The following ANAPC7 variants were observed in gnomAD, a reference collection of about 807,000 sequenced individuals.
ANAPC7 encodes anaphase promoting complex subunit 7, also known as anaphase-promoting complex subunit 7.
In ANAPC7, 25 loss-of-function variants were observed where a neutral mutation model predicts 63.3. The ratio of observed to expected loss-of-function variants is 0.39; its 90% CI spans 0.29 to 0.55. The LOEUF is 0.55. Ranked by LOEUF, ANAPC7 falls within the 20% of genes least tolerant of loss-of-function variation. The pLI is 0.57. For missense variants in ANAPC7, 516 were observed against 691.7 expected, an observed-to-expected ratio of 0.75 and a Z score of 2.85; for synonymous variants, 241 against 251.7, an observed-to-expected ratio of 0.96 and a Z score of 0.40.
chr12:110,398,227 C>CA (rs2062172287), intron 1 of ANAPC7, among the ~76,000 whole-genome samples: 3 of 151,930 alleles, frequency 2.0e-5, no homozygotes. Flanking sequence ...GCCTGGGTGA[C>CA]AAGTGAAACT....
Position 110,387,902 on chromosome 12 carries a change from CAGAA to C in ANAPC7, c.521-14_521-11del, listed in dbSNP as rs752016031. The C allele has an allele frequency of 6.2e-7, 1 of 1,611,646 alleles. No homozygotes were observed. Among genetic ancestry groups the C allele is most frequent in the Non-Finnish European group, 8.5e-7 (1 of 1,178,140 alleles). Reference sequence around the variant, plus strand: ...GAAAGGGACAACAAGCCTAAACCAACAGAAAGCAGAAGAAAGAAAGTAAGGCACG... The same window carrying C: ...GAAAGGGACAACAAGCCTAAACCAACAGCAGAAGAAAGAAAGTAAGGCACG... On this transcript the variant is annotated splice_polypyrimidine_tract_variant and intron_variant, in intron 4 of 10. Transcript: ENST00000455511.
intron 3 of ANAPC7, among the ~76,000 whole-genome samples, chr12:110,389,150 C>T (rs890562835): frequency 2.0e-5 from 3 of 151,790 alleles, no homozygotes; most frequent in Non-Finnish European, 2.9e-5. Context: ...TCCTGCCTTC[C>T]CTAAGAGGAA....
intron 1 of ANAPC7, among the ~76,000 whole-genome samples, chr12:110,402,519 A>G (rs1207951415): frequency 6.6e-6 from 1 of 151,684 alleles, no homozygotes; most frequent in East Asian, 2.0e-4. Flanking sequence ...TTTTTTAAGC[A>G]GAGACGGGGT....
intron 5 of ANAPC7, chr12:110,386,680 A>G (rs1419388763): frequency 2.1e-6 from 1 of 482,212 alleles, no homozygotes; most frequent in South Asian, 3.0e-5. Flanking sequence ...CTCAGTACCA[A>G]CAAATAACTC....
At chr12:110,381,631 G>C in intron 8 of ANAPC7, 121 bp downstream of exon 8, 1 of 1,021,682 alleles carries the variant, frequency 9.8e-7, no homozygotes, top group South Asian at 1.6e-5. Flanking sequence ...CACCACGTCC[G>C]GCCAGCTTCC....
intron 6 of ANAPC7, among the ~76,000 whole-genome samples, chr12:110,385,851 T>C (rs1365692377): frequency 7.9e-5 from 12 of 152,228 alleles, no homozygotes; most frequent in Admixed American, 1.3e-4. Context: ...CCTGTGAAGA[T>C]TACCCTTCAC....
At chr12:110,397,492 A>ATAG (rs1233600940) in intron 1 of ANAPC7, among the ~76,000 whole-genome samples, 1 of 150,046 alleles carries the variant, frequency 6.7e-6, no homozygotes, top group Non-Finnish European at 1.5e-5. Flanking sequence ...GGTGGAGGTT[A>ATAG]TAGTAAGCCG....
intron 8 of ANAPC7, chr12:110,378,401 T>A (rs1318496312): frequency 6.6e-6 from 1 of 152,272 alleles, no homozygotes; most frequent in African/African-American, 2.4e-5. Context: ...GCCTGGCTCC[T>A]AGAGTCTTAA....
chr12:110,378,976 A>C (rs1881565863), intron 8 of ANAPC7: 1 of 151,298 alleles, frequency 6.6e-6, no homozygotes, highest in Non-Finnish European at 1.5e-5. Context: ...CTCCTGCCTC[A>C]GCCTCCCAAG....
At chr12:110,396,209 T>C in intron 2 of ANAPC7, 57 bp downstream of exon 2, 2 of 1,512,422 alleles carry the variant, frequency 1.3e-6, no homozygotes, top group Non-Finnish European at 9.0e-7. Flanking sequence ...CTGTTCTAAA[T>C]TCTTGGAGTC....
At chr12:110,374,570 A>C (rs553934852) in intron 10 of ANAPC7, among the ~76,000 whole-genome samples, 1 of 152,070 alleles carries the variant, frequency 6.6e-6, no homozygotes, top group Non-Finnish European at 1.5e-5. Context: ...TTTCTCCACA[A>C]ATTTCTTAAA....
intron 10 of ANAPC7, among the ~76,000 whole-genome samples, 173 bp from the exon 11 acceptor site, chr12:110,374,506 C>T (rs1453761958): frequency 6.6e-6 from 1 of 152,058 alleles, no homozygotes; most frequent in Admixed American, 6.6e-5. Context: ...GAGTCCACCA[C>T]CAGAAGTGCA....
intron 1 of ANAPC7, among the ~76,000 whole-genome samples, chr12:110,396,859 A>G (rs1439967394): frequency 6.6e-6 from 1 of 152,038 alleles, no homozygotes; most frequent in African/African-American, 2.4e-5. Context: ...CCATATTCTC[A>G]TATTAAGATG....
intron 2 of ANAPC7, among the ~76,000 whole-genome samples, chr12:110,395,958 G>A (rs56127909): frequency 0.14 from 21,229 of 152,116 alleles, 2,185 homozygotes; most frequent in African/African-American, 0.29. Flanking sequence ...GTGAGGGGGT[G>A]GTTTCAGGAT....
Position 110,387,291 on chromosome 12 carries a change from G to GAGAGAGAGAGAGAC in ANAPC7, c.674+447_674+448insGTCTCTCTCTCTCT, listed in dbSNP as rs1882607846. The GAGAGAGAGAGAGAC allele has an allele frequency of 1.2e-4, 15 of 126,304 alleles. 1 individual carries two copies. The highest frequency in any genetic ancestry group is 4.5e-4 in the African/African-American group (14 of 30,910). 7.8% of individuals were successfully genotyped at this position (126,304 alleles called of 1,614,324 possible). A position where few individuals can be genotyped will look rare whatever the true frequency, so the allele number is the denominator to read the frequency against. ...AGAGAGAGAGAGAGAGAGAGACAGA[G>GAGAGAGAGAGAGAC]AGAGAGAGAGAGAGAGAGACAGAGA... On this transcript the variant is annotated intron_variant, in intron 5 of 10. Coordinates refer to ENST00000455511, the MANE Select transcript of ANAPC7 (RefSeq NM_016238.3).
chr12:110,387,130 C>G (rs1486649685), intron 5 of ANAPC7: 3 of 152,052 alleles, frequency 2.0e-5, no homozygotes, highest in African/African-American at 7.3e-5. Flanking sequence ...ACTCAGGAGG[C>G]TGAGCAGGAG....
intron 3 of ANAPC7, among the ~76,000 whole-genome samples, chr12:110,392,727 C>T (rs1883203128): frequency 6.6e-6 from 1 of 152,106 alleles, no homozygotes; most frequent in South Asian, 2.1e-4. Flanking sequence ...TGGTAACTTG[C>T]CCAAGTTCAC....
chr12:110,379,293 C>G (rs1288845293), intron 8 of ANAPC7: 1 of 152,212 alleles, frequency 6.6e-6, no homozygotes, highest in African/African-American at 2.4e-5. Flanking sequence ...CTTGCCTAAC[C>G]TAAATCTCTA....
At chr12:110,403,475 A>C in intron 1 of ANAPC7, 52 bp downstream of exon 1, 4 of 1,536,508 alleles carry the variant, frequency 2.6e-6, no homozygotes, top group Non-Finnish European at 3.5e-6. Context: ...CCCCGCTCCC[A>C]GACCGCCGCC....
Sources: allele counts gnomAD v4.1 joint callset (sites outside exome capture counted in the v4.1 genomes callset), GRCh38; gene constraint gnomAD v4.1.1; transcripts MANE v1.5; gene names NCBI Gene and HGNC (gene_info 2026-07-23, HGNC 2026-07-21).